RABGAP1L: variants seen among roughly 807,000 people sequenced by gnomAD.
The protein encoded by RABGAP1L is RAB GTPase activating protein 1 like.
A neutral mutation model predicts 137.7 loss-of-function variants in RABGAP1L; 63 were observed. The ratio of observed to expected loss-of-function variants is 0.46; its 90% CI spans 0.37 to 0.56. The LOEUF (loss-of-function observed/expected upper bound fraction) is 0.56, where lower values mean the gene tolerates loss of function less well. RABGAP1L is among the 20% of genes least tolerant of loss of function. The pLI is 0.00. For missense variants in RABGAP1L, 1,095 were observed against 1,244.0 expected (o/e 0.88, Z 1.80); for synonymous variants, 431 against 433.7 (o/e 0.99, Z 0.08).
At chr1:174,166,749 C>G (rs56223691) in intron 1 of RABGAP1L, among the ~76,000 whole-genome samples, 3 of 152,188 alleles carry the variant, frequency 2.0e-5, no homozygotes, top group Non-Finnish European at 1.5e-5. Context: ...TTTGAAGAAG[C>G]CTTGCTTCTC....
chr1:174,908,193 A>G (rs1558218779), intron 19 of RABGAP1L, among the ~76,000 whole-genome samples: 1 of 152,216 alleles, frequency 6.6e-6, no homozygotes, highest in Non-Finnish European at 1.5e-5. Flanking sequence ...GTAAACTGCA[A>G]TACAGTAATA....
chr1:174,936,486 C>G (rs1258468115), intron 19 of RABGAP1L, among the ~76,000 whole-genome samples: 1 of 151,894 alleles, frequency 6.6e-6, no homozygotes, highest in Non-Finnish European at 1.5e-5. Flanking sequence ...GTCTGTAGTC[C>G]CAGCTCCTGT....
intron 18 of RABGAP1L, among the ~76,000 whole-genome samples, chr1:174,811,469 T>C (rs1358188445): frequency 6.6e-6 from 1 of 152,218 alleles, no homozygotes; most frequent in African/African-American, 2.4e-5. Flanking sequence ...TTCATTGAGC[T>C]GAAGTCACAG....
chr1:174,318,564 T>G (rs1225629773), intron 11 of RABGAP1L, among the ~76,000 whole-genome samples: 3 of 150,202 alleles, frequency 2.0e-5, no homozygotes, highest in Admixed American at 1.3e-4. Context: ...GACTTTTTAC[T>G]GCCATTTGGT....
At chr1:174,268,169 G>A (rs1352866481) in intron 7 of RABGAP1L, among the ~76,000 whole-genome samples, 1 of 150,488 alleles carries the variant, frequency 6.6e-6, no homozygotes, top group African/African-American at 2.4e-5. Flanking sequence ...TTGCAGTTCT[G>A]TTTTTCCCTT....
intron 19 of RABGAP1L, among the ~76,000 whole-genome samples, chr1:174,927,336 A>G (rs1044084866): frequency 1.3e-5 from 2 of 152,180 alleles, no homozygotes; most frequent in African/African-American, 4.8e-5. Flanking sequence ...TGTTGTTTGT[A>G]TATCTGTTGA....
chr1:174,194,725 T>G (rs1421527994), intron 1 of RABGAP1L, among the ~76,000 whole-genome samples: 1 of 152,014 alleles, frequency 6.6e-6, no homozygotes, highest in East Asian at 1.9e-4. Flanking sequence ...GTCTAAAAAG[T>G]TATAAGAAGA....
intron 13 of RABGAP1L, among the ~76,000 whole-genome samples, chr1:174,479,168 G>A (rs1292428754): frequency 6.6e-6 from 1 of 152,202 alleles, no homozygotes; most frequent in Non-Finnish European, 1.5e-5. Context: ...GTTGGCATGG[G>A]CCTGAGGTCC....
intron 17 of RABGAP1L, among the ~76,000 whole-genome samples, chr1:174,712,067 G>A (rs957153820): frequency 6.6e-6 from 1 of 152,196 alleles, no homozygotes; most frequent in Admixed American, 6.5e-5. Flanking sequence ...TCTAGCTCAA[G>A]GTTTGTAAAC....
intron 18 of RABGAP1L, among the ~76,000 whole-genome samples, chr1:174,769,402 T>G (rs768346822): frequency 6.6e-6 from 1 of 152,132 alleles, no homozygotes; most frequent in African/African-American, 2.4e-5. Flanking sequence ...AAGGCCATTC[T>G]TAGGTTCTAT....
At chr1:174,921,868 A>T (rs1239803837) in intron 19 of RABGAP1L, among the ~76,000 whole-genome samples, 1 of 152,188 alleles carries the variant, frequency 6.6e-6, no homozygotes, top group Non-Finnish European at 1.5e-5. Flanking sequence ...GTAAAATGTA[A>T]TGAATGCATT....
intron 18 of RABGAP1L, among the ~76,000 whole-genome samples, chr1:174,799,253 A>G (rs1416464267): frequency 6.6e-6 from 1 of 152,106 alleles, no homozygotes; most frequent in African/African-American, 2.4e-5. Context: ...TGCTTCTTGT[A>G]TTTGCATTGC....
At chr1:174,425,347 G>A (rs886675121) in intron 13 of RABGAP1L, among the ~76,000 whole-genome samples, 1 of 151,944 alleles carries the variant, frequency 6.6e-6, no homozygotes, top group African/African-American at 2.4e-5. Context: ...CATGCTTCAG[G>A]TGGTAAGCAT....
rs116439969 is a variant in RABGAP1L, at chr1:174,842,095, A to G, written c.2340+30135A>G. Reference sequence around the variant, plus strand: ...TCAAAAGAATTATTATGTTAAACCAAAAATAAACTAGGTATATAGTTTGTT... The same window carrying G: ...TCAAAAGAATTATTATGTTAAACCAGAAATAAACTAGGTATATAGTTTGTT... On this transcript the variant is annotated intron_variant, in intron 19 of 25. Transcript: ENST00000681986. Among the ~76,000 whole-genome samples, 546 of 152,342 alleles carry G rather than the reference A, an allele frequency of 3.6e-3. 4 individuals carry two copies. The highest frequency in any genetic ancestry group is 0.011 in the African/African-American group (467 of 41,576).
intron 13 of RABGAP1L, among the ~76,000 whole-genome samples, chr1:174,563,076 T>A (rs1453408544): frequency 6.6e-6 from 1 of 152,164 alleles, no homozygotes; most frequent in Non-Finnish European, 1.5e-5. Flanking sequence ...TGCTACAGAG[T>A]CAGAGATGAG....
intron 3 of RABGAP1L, 75 bp downstream of exon 3, chr1:174,221,239 GA>G: frequency 8.2e-7 from 1 of 1,217,190 alleles, no homozygotes; most frequent in South Asian, 2.1e-5. Context: ...ATGAAAATCA[GA>G]AAAAATTGTT....
At position 174,598,217 on chromosome 1, in the gene RABGAP1L, A is replaced by T. The variant is rs189332873; in HGVS notation, c.1711-39158A>T. ...TTGGTGCATGCCTGTAGTCCCAGCT[A>T]CTTGGGAGGCTGAGGCAGGGGAATC... On this transcript the variant is annotated intron_variant, in intron 13 of 25. Coordinates refer to ENST00000681986, the MANE Select transcript of RABGAP1L (RefSeq NM_001366446.1). 5.4e-3 allele frequency among the ~76,000 whole-genome samples: 814 copies of T among 151,782 alleles called. 5 individuals are homozygous for T. Among genetic ancestry groups the T allele is most frequent in the Non-Finnish European group, 8.8e-3 (601 of 67,972 alleles).
intron 19 of RABGAP1L, among the ~76,000 whole-genome samples, chr1:174,950,518 T>G (rs962103457): frequency 4.6e-5 from 7 of 152,162 alleles, no homozygotes; most frequent in African/African-American, 1.7e-4. Flanking sequence ...CTGTTTCTTC[T>G]CGAGTGCATT....
chr1:174,673,707 T>C (rs1304131089), intron 14 of RABGAP1L, among the ~76,000 whole-genome samples: 2 of 152,142 alleles, frequency 1.3e-5, no homozygotes, highest in Non-Finnish European at 2.9e-5. Flanking sequence ...TGGAGTAATA[T>C]TGTAGACAGT....
Sources: gnomAD v4.1 joint callset for allele counts (sites outside exome capture counted in the v4.1 genomes callset) on GRCh38, gnomAD v4.1.1 for gene constraint, MANE v1.5 for transcripts, NCBI Gene and HGNC (gene_info 2026-07-23, HGNC 2026-07-21) for gene names.